The following CSNK1G3 variants were observed in gnomAD, a reference collection of about 807,000 sequenced individuals.
CSNK1G3 encodes the protein casein kinase 1 gamma 3, also known as casein kinase I isoform gamma-3.
Under a neutral mutation model 64.3 loss-of-function variants are expected in CSNK1G3, and 23 were observed. The ratio of observed to expected loss-of-function variants is 0.36; its 90% CI spans 0.26 to 0.51. The LOEUF (loss-of-function observed/expected upper bound fraction) is 0.51, where lower values mean the gene tolerates loss of function less well. Ranked by LOEUF, CSNK1G3 falls within the 20% of genes least tolerant of loss-of-function variation. The pLI, the probability that CSNK1G3 is intolerant of heterozygous loss-of-function variation, is 0.96. For missense variants in CSNK1G3, 357 were observed against 510.5 expected (o/e 0.70, Z 2.90); for synonymous variants, 158 against 162.2 (o/e 0.97, Z 0.20).
intron 8 of CSNK1G3, among the ~76,000 whole-genome samples, chr5:123,589,312 T>C (rs911414052): frequency 6.6e-6 from 1 of 152,192 alleles, no homozygotes; most frequent in Non-Finnish European, 1.5e-5. Context: ...ACTTTAATTA[T>C]ATATTTTCCT....
At chr5:123,601,301 G>T (rs1257040557) in intron 10 of CSNK1G3, among the ~76,000 whole-genome samples, 1 of 152,098 alleles carries the variant, frequency 6.6e-6, no homozygotes, top group African/African-American at 2.4e-5. Flanking sequence ...AATTTTAAGT[G>T]AAAATAATTT....
chr5:123,521,245 A>C (rs1043919202), intron 1 of CSNK1G3, among the ~76,000 whole-genome samples: 5 of 152,154 alleles, frequency 3.3e-5, no homozygotes, highest in East Asian at 3.8e-4. Context: ...CCCTACTCCA[A>C]AAATGTAAAT....
intron 4 of CSNK1G3, among the ~76,000 whole-genome samples, chr5:123,559,643 C>T (rs1157918218): frequency 6.7e-6 from 1 of 150,108 alleles, no homozygotes; most frequent in Non-Finnish European, 1.5e-5. Flanking sequence ...TGAGCTGTGA[C>T]ACATGTGGAT....
At chr5:123,585,384 T>G (rs78357398) in intron 6 of CSNK1G3, among the ~76,000 whole-genome samples, 34,661 of 151,976 alleles carry the variant, frequency 0.23, 4,219 homozygotes, top group African/African-American at 0.29. Flanking sequence ...AAAAACAGGA[T>G]AAAATCTTTG....
Position 123,557,908 on chromosome 5 carries a change from T to C in CSNK1G3, c.289+344T>C, listed in dbSNP as rs185795421. Among the ~76,000 whole-genome samples the C allele has an allele frequency of 3.9e-5, 6 of 152,320 alleles. 1 individual carries two copies. The East Asian group carries it at 9.6e-4, about 24-fold the overall frequency. On this transcript the variant is annotated intron_variant, in intron 4 of 12. Coordinates refer to ENST00000345990, the Ensembl canonical transcript of CSNK1G3. ...CTGAAAAATGGCCACATAGAAGTTA[T>C]CTGTATCATAATCCCTAGAACCTCT...
At chr5:123,587,939 G>C (rs187582767) in intron 6 of CSNK1G3, 129 bp from the exon 7 acceptor site, 11 of 586,374 alleles carry the variant, frequency 1.9e-5, no homozygotes, top group Non-Finnish European at 3.0e-5. Flanking sequence ...ATAGTTACTA[G>C]ATCTGTATTT....
chr5:123,559,892 A>G (rs999294766), intron 4 of CSNK1G3, among the ~76,000 whole-genome samples: 1 of 152,130 alleles, frequency 6.6e-6, no homozygotes, highest in African/African-American at 2.4e-5. Context: ...CGGGCTATTT[A>G]GAGTAACTCA....
At chr5:123,607,767 C>T (rs1456038719) in intron 12 of CSNK1G3, among the ~76,000 whole-genome samples, 1 of 152,104 alleles carries the variant, frequency 6.6e-6, no homozygotes, top group African/African-American at 2.4e-5. Context: ...AGTATAGCAA[C>T]TCATAATATC....
chr5:123,528,482 CTT>C (rs758944816), intron 1 of CSNK1G3, among the ~76,000 whole-genome samples: 2 of 152,098 alleles, frequency 1.3e-5, no homozygotes, highest in South Asian at 4.1e-4. Context: ...AATAAAATGA[CTT>C]TTTTTCCTTG....
chr5:123,599,129 A>T (rs973437631), intron 10 of CSNK1G3, among the ~76,000 whole-genome samples: 6 of 152,234 alleles, frequency 3.9e-5, no homozygotes, highest in African/African-American at 1.4e-4. Flanking sequence ...CATCGAGCTC[A>T]GTGCAAACTG....
At chr5:123,576,050 G>A in intron 6 of CSNK1G3, 87 bp downstream of exon 6, 2 of 783,340 alleles carry the variant, frequency 2.6e-6, no homozygotes, top group Non-Finnish European at 4.1e-6. Context: ...TTCAGTTTTT[G>A]CAGATTATAA....
chr5:123,614,587 T>A (rs923425670), exon 13 of CSNK1G3: 1 of 478,262 alleles, frequency 2.1e-6, no homozygotes, highest in African/African-American at 2.0e-5. Flanking sequence ...TAATTTAACC[T>A]TTATGGAAGC....
At chr5:123,609,241 G>A (rs1795889897) in intron 12 of CSNK1G3, among the ~76,000 whole-genome samples, 1 of 152,154 alleles carries the variant, frequency 6.6e-6, no homozygotes. Context: ...GTGGTTTTAA[G>A]CCAAGAAACA....
At chr5:123,610,306 G>T (rs1183060773) in intron 12 of CSNK1G3, among the ~76,000 whole-genome samples, 1 of 152,140 alleles carries the variant, frequency 6.6e-6, no homozygotes, top group African/African-American at 2.4e-5. Flanking sequence ...AAGATTAGAT[G>T]CCATAAAATA....
At chr5:123,512,202 T>G (rs1020040428) in exon 1 of CSNK1G3, 14 of 152,086 alleles carry the variant, frequency 9.2e-5, no homozygotes, top group African/African-American at 3.4e-4. Flanking sequence ...GGGTCCGGCG[T>G]CGATCCGGAT....
At chr5:123,514,560 A>G (rs1378239071) in intron 1 of CSNK1G3, among the ~76,000 whole-genome samples, 2 of 152,172 alleles carry the variant, frequency 1.3e-5, no homozygotes, top group African/African-American at 4.8e-5. Flanking sequence ...TAATTCACAG[A>G]TTCCTGTGGG....
At chr5:123,552,185 C>T (rs1783806246) in intron 2 of CSNK1G3, among the ~76,000 whole-genome samples, 1 of 151,224 alleles carries the variant, frequency 6.6e-6, no homozygotes, top group Non-Finnish European at 1.5e-5. Context: ...CACTCTGTTG[C>T]CCAGGCTGGA....
chr5:123,522,837 A>G (rs1778368784), intron 1 of CSNK1G3, among the ~76,000 whole-genome samples: 1 of 152,190 alleles, frequency 6.6e-6, no homozygotes, highest in African/African-American at 2.4e-5. Flanking sequence ...CCCTATATTC[A>G]TTGCTCATTA....
intron 6 of CSNK1G3, among the ~76,000 whole-genome samples, chr5:123,583,875 A>C (rs1452354010): frequency 6.6e-6 from 1 of 151,756 alleles, no homozygotes; most frequent in African/African-American, 2.4e-5. Context: ...TTTTTTTTGT[A>C]AAGTTAGGGT....
Sources: gnomAD v4.1 joint callset for allele counts (sites outside exome capture counted in the v4.1 genomes callset) on GRCh38, gnomAD v4.1.1 for gene constraint, MANE v1.5 for transcripts, NCBI Gene and HGNC (gene_info 2026-07-23, HGNC 2026-07-21) for gene names.